TSPEAR: variants seen among roughly 807,000 people sequenced by gnomAD.
TSPEAR encodes the protein thrombospondin-type laminin G domain and EAR repeat-containing protein.
Under a neutral mutation model 71.6 loss-of-function variants are expected in TSPEAR, and 69 were observed. The observed-to-expected ratio is 0.96, with a 90% CI of 0.79 to 1.18. TSPEAR has a LOEUF of 1.18. TSPEAR is among the 50% of genes most tolerant of loss of function. The probability of loss-of-function intolerance (pLI) is 0.00; values close to 1 mark genes in which losing one functional copy is unlikely to be tolerated. For synonymous variants in TSPEAR, 402 were observed against 387.2 expected, an observed-to-expected ratio of 1.04 and a Z score of -0.45; for missense variants, 971 against 894.9, an observed-to-expected ratio of 1.09 and a Z score of -1.09.
rs782569027 is a variant in TSPEAR at position 44,533,765 on chromosome 21, A to G, written c.462T>C (p.Asp154=). ...CCAGGACCAGTGTGTGCCAGCGGCC[A>G]TCCACCAGGGCCGGGCTGCGGAAGG... The part of the protein sequence containing the change: ...RVSFRSPALV[D]GRWHTLVLAV... The change falls in exon 3 of 12, where the codon GAT becomes GAC. Residue 154 remains aspartate, a synonymous_variant. Coordinates refer to ENST00000323084, the MANE Select transcript of TSPEAR (RefSeq NM_144991.3). 1 of 1,612,458 alleles carries G rather than the reference A, an allele frequency of 6.2e-7. No homozygotes were observed. Among genetic ancestry groups the G allele is most frequent in the Non-Finnish European group, 8.5e-7 (1 of 1,179,874 alleles).
chr21:44,504,646 G>A, intron 11 of TSPEAR, 134 bp downstream of exon 11: 2 of 309,186 alleles, frequency 6.5e-6, no homozygotes, highest in South Asian at 2.9e-5. Context: ...CAGTGGGGAA[G>A]CAAGTCTCTT....
In TSPEAR at chr21:44,529,336, G is replaced by A. The variant is rs1022896090; in HGVS notation, c.790+462C>T. Among the ~76,000 whole-genome samples the A allele has an allele frequency of 9.2e-5, 14 of 152,224 alleles. No homozygotes were observed. The South Asian group carries it at 2.7e-3, about 29-fold the overall frequency. Reference sequence around the variant, plus strand: ...ATCAAGCGGGGAGGCCCTCTGGGCCGGGGGATCGTGGAAGACGTGAGTGTA... The same window carrying A: ...ATCAAGCGGGGAGGCCCTCTGGGCCAGGGGATCGTGGAAGACGTGAGTGTA... On this transcript the variant is annotated intron_variant, in intron 5 of 11. Transcript: ENST00000323084.
intron 1 of TSPEAR, chr21:44,580,256 G>A (rs1420457430): frequency 1.6e-5 from 26 of 1,613,224 alleles, no homozygotes; most frequent in Non-Finnish European, 2.2e-5. Context: ...GCAGCATGAA[G>A]AGGAATCCTT....
intron 1 of TSPEAR, among the ~76,000 whole-genome samples, chr21:44,617,607 G>T (rs587713530): frequency 6.6e-6 from 1 of 152,348 alleles, no homozygotes; most frequent in African/African-American, 2.4e-5. Flanking sequence ...CCGTGACCAG[G>T]TTGCCTGCAA....
intron 8 of TSPEAR, among the ~76,000 whole-genome samples, chr21:44,525,131 TAGTC>T (rs782609343): frequency 6.6e-6 from 1 of 151,226 alleles, no homozygotes; most frequent in African/African-American, 2.4e-5. Context: ...ATCAGTCAGG[TAGTC>T]AGTCAGACAG....
Position 44,512,509 on chromosome 21 carries a change from GGCT to G in TSPEAR, c.1567-3126_1567-3124del, listed in dbSNP as rs1332763408. Among the ~76,000 whole-genome samples the G allele has an allele frequency of 3.9e-5, 6 of 152,188 alleles. No homozygotes were observed. The East Asian group carries it at 7.7e-4, about 20-fold the overall frequency. Reference sequence around the variant, plus strand: ...TTTCCCTAGGCATGGGTGGCACACGGGCTGCTGTGTGAGCCCTGGGGAGGGGCA... The same window carrying G: ...TTTCCCTAGGCATGGGTGGCACACGGGCTGTGTGAGCCCTGGGGAGGGGCA... On this transcript the variant is annotated intron_variant, in intron 9 of 11. Transcript: ENST00000323084.
chr21:44,517,891 G>A (rs1555913702), intron 9 of TSPEAR: 2 of 470,350 alleles, frequency 4.3e-6, no homozygotes, highest in Admixed American at 2.4e-5. Flanking sequence ...AGTCTGATGA[G>A]ATCTGGGCGG....
intron 1 of TSPEAR, chr21:44,574,857 C>T (rs782265309): frequency 6.2e-7 from 1 of 1,612,850 alleles, no homozygotes; most frequent in Non-Finnish European, 8.5e-7. Flanking sequence ...CCTCTGCCGC[C>T]CCGTGTGCAG....
At chr21:44,554,809 G>T (rs965619111) in intron 2 of TSPEAR, among the ~76,000 whole-genome samples, 5 of 152,176 alleles carry the variant, frequency 3.3e-5, no homozygotes, top group African/African-American at 1.2e-4. Flanking sequence ...TAATATTTAG[G>T]ATTGTATGTG....
At chr21:44,595,611 C>A (rs587611509) in intron 1 of TSPEAR, among the ~76,000 whole-genome samples, 1 of 152,190 alleles carries the variant, frequency 6.6e-6, no homozygotes, top group Non-Finnish European at 1.5e-5. Flanking sequence ...CAGCACTGCA[C>A]TGGGGCACTT....
At chr21:44,574,831 C>T (rs782021070) in intron 1 of TSPEAR, 3 of 1,614,036 alleles carry the variant, frequency 1.9e-6, no homozygotes, top group South Asian at 2.2e-5. Context: ...TGCAGACCCT[C>T]CTCCTCCGTG....
intron 1 of TSPEAR, among the ~76,000 whole-genome samples, chr21:44,637,044 G>T (rs1373976429): frequency 6.6e-6 from 1 of 152,198 alleles, no homozygotes; most frequent in South Asian, 2.1e-4. Context: ...GCCTCCCCCA[G>T]GCTGAGGGCC....
chr21:44,542,809 A>G (rs1185209273), intron 2 of TSPEAR, among the ~76,000 whole-genome samples: 1 of 151,882 alleles, frequency 6.6e-6, no homozygotes, highest in Non-Finnish European at 1.5e-5. Flanking sequence ...CCAAACCAAG[A>G]ATCTTTAGCA....
chr21:44,506,284 C>G lies in TSPEAR; in HGVS notation c.1755-1403G>C, dbSNP rs1236766033. On this transcript the variant is annotated intron_variant, in intron 10 of 11. Coordinates refer to ENST00000323084, the MANE Select transcript of TSPEAR (RefSeq NM_144991.3). This position sits in a 1 kb window ranked among gnomAD's most constrained non-coding sequence, Gnocchi z 4.2. ...CTTTCCTCCCCAGGAGCCCACCTGC[C>G]GAGCTGTCAGCGTCAGCCCCACATC... 1.3e-5 allele frequency among the ~76,000 whole-genome samples: 2 copies of G among 152,254 alleles called. No individual in the cohort carries two copies. The highest frequency in any genetic ancestry group is 4.8e-5 in the African/African-American group (2 of 41,462).
chr21:44,614,177 C>A (rs1981915695), intron 1 of TSPEAR, among the ~76,000 whole-genome samples: 1 of 152,222 alleles, frequency 6.6e-6, no homozygotes, highest in Non-Finnish European at 1.5e-5. Flanking sequence ...CCGCCCACTG[C>A]TTTGACCATT....
At chr21:44,674,008 G>A (rs1389810708) in intron 1 of TSPEAR, among the ~76,000 whole-genome samples, 2 of 152,012 alleles carry the variant, frequency 1.3e-5, no homozygotes, top group African/African-American at 4.8e-5. Flanking sequence ...ACATCAAAAA[G>A]GTAGATGTGG....
chr21:44,637,783 T>A (rs1555937313), intron 1 of TSPEAR: 5 of 1,344,780 alleles, frequency 3.7e-6, no homozygotes, highest in Non-Finnish European at 4.0e-6. Context: ...GCTCCGAGTC[T>A]TCCCCTTCAT....
At chr21:44,678,447 C>A (rs1986427186) in intron 1 of TSPEAR, among the ~76,000 whole-genome samples, 2 of 152,166 alleles carry the variant, frequency 1.3e-5, no homozygotes, top group Admixed American at 1.3e-4. Context: ...TCTGCCATGA[C>A]TGTAAGCTTC....
At chr21:44,601,246 T>A (rs1281221620) in intron 1 of TSPEAR, 7 of 1,609,224 alleles carry the variant, frequency 4.3e-6, no homozygotes, top group Non-Finnish European at 5.9e-6. Context: ...GCCCTCGTGC[T>A]GCCAGCAGTC....
Sources: gnomAD v4.1 joint callset for allele counts (sites outside exome capture counted in the v4.1 genomes callset) on GRCh38, gnomAD v4.1.1 for gene constraint, Gnocchi (gnomAD v3.1) non-coding constraint, MANE v1.5 for transcripts, NCBI Gene and HGNC (gene_info 2026-07-23, HGNC 2026-07-21) for gene names.